The following PIAS1 variants were observed in gnomAD, a reference collection of about 807,000 sequenced individuals.
PIAS1 encodes protein inhibitor of activated STAT 1.
PIAS1 carries 6 observed loss-of-function variants against 71.3 expected under a neutral mutation model. The ratio of observed to expected loss-of-function variants is 0.08; its 90% CI spans 0.05 to 0.17. The LOEUF (loss-of-function observed/expected upper bound fraction) is 0.17, where lower values mean the gene tolerates loss of function less well. PIAS1 is among the 10% of genes least tolerant of loss of function. The probability of loss-of-function intolerance (pLI) is 1.00; values close to 1 mark genes in which losing one functional copy is unlikely to be tolerated. For synonymous variants in PIAS1, 303 were observed against 292.9 expected, an observed-to-expected ratio of 1.03 and a Z score of -0.35; for missense variants, 555 against 793.6, an observed-to-expected ratio of 0.70 and a Z score of 3.61.
At position 68,054,564 on chromosome 15, in the gene PIAS1, C is replaced by T; in HGVS notation, c.24+214C>T. The T allele has an allele frequency of 2.0e-6, 1 of 491,034 alleles. No homozygotes were observed. Among genetic ancestry groups the T allele is most frequent in the Non-Finnish European group, 3.6e-6 (1 of 278,012 alleles). 30.4% of individuals were successfully genotyped at this position (491,034 alleles called of 1,614,324 possible). A position where few individuals can be genotyped will look rare whatever the true frequency, so the allele number is the denominator to read the frequency against. On this transcript the variant is annotated intron_variant, in intron 1 of 13. Coordinates refer to ENST00000249636, the MANE Select transcript of PIAS1 (RefSeq NM_016166.3). This position sits in a 1 kb window ranked among gnomAD's most constrained non-coding sequence, Gnocchi z 4.6. ...GCCTCGGGGGCGCTGACGGGTCGTCCCCGGCGTGTTATTGTTGTGGGCGCC... is the reference window on the plus strand; with the variant it reads ...GCCTCGGGGGCGCTGACGGGTCGTCTCCGGCGTGTTATTGTTGTGGGCGCC...
chr15:68,143,641 A>G (rs2092787837), intron 4 of PIAS1, among the ~76,000 whole-genome samples: 1 of 152,130 alleles, frequency 6.6e-6, no homozygotes, highest in Non-Finnish European at 1.5e-5. Flanking sequence ...AGATGTCTCC[A>G]TAGTTAATTA....
intron 1 of PIAS1, among the ~76,000 whole-genome samples, chr15:68,073,703 A>G (rs1346476656): frequency 6.6e-6 from 1 of 152,134 alleles, no homozygotes; most frequent in Non-Finnish European, 1.5e-5. Flanking sequence ...GAAGATGGAG[A>G]GTTGGTTAAA....
chr15:68,111,748 AT>A, intron 2 of PIAS1, among the ~76,000 whole-genome samples: 1 of 152,118 alleles, frequency 6.6e-6, no homozygotes, highest in East Asian at 1.9e-4. Context: ...TATTGTGGAG[AT>A]TCAAAAAGAA....
At chr15:68,149,086 G>A (rs1394769074) in intron 6 of PIAS1, among the ~76,000 whole-genome samples, 1 of 152,078 alleles carries the variant, frequency 6.6e-6, no homozygotes, top group Non-Finnish European at 1.5e-5. Flanking sequence ...GTTTTGTTTT[G>A]TTTTTGTTTT....
intron 2 of PIAS1, among the ~76,000 whole-genome samples, chr15:68,130,185 T>TA (rs1467416524): frequency 6.6e-6 from 1 of 151,780 alleles, no homozygotes; most frequent in African/African-American, 2.4e-5. Flanking sequence ...AAAGATTTTT[T>TA]AAAAATAGGA....
chr15:68,160,365 C>T (rs1056394719), intron 7 of PIAS1, among the ~76,000 whole-genome samples: 7 of 152,120 alleles, frequency 4.6e-5, no homozygotes, highest in Non-Finnish European at 8.8e-5. Context: ...GTTGAAAAGA[C>T]TGTCTTTCCT....
intron 6 of PIAS1, among the ~76,000 whole-genome samples, chr15:68,151,701 C>CAT (rs1235446235): frequency 1.0e-5 from 1 of 98,434 alleles, no homozygotes; most frequent in Admixed American, 1.2e-4. Flanking sequence ...CACACACACA[C>CAT]ACACACAAAT....
At chr15:68,111,568 A>G (rs185653383) in intron 2 of PIAS1, among the ~76,000 whole-genome samples, 22 of 152,344 alleles carry the variant, frequency 1.4e-4, no homozygotes, top group Admixed American at 1.2e-3. Context: ...CTATCCTGCA[A>G]TTTAACACTA....
Position 68,187,664 on chromosome 15 carries a change from A to G in PIAS1, c.1785A>G (p.Ala595=). Residue 595 remains alanine (A), a synonymous_variant, in exon 14 of 14, where the codon GCA becomes GCG. Coordinates refer to ENST00000249636, the MANE Select transcript of PIAS1 (RefSeq NM_016166.3). The surrounding 1 kb of genome is among the most constrained non-coding windows in gnomAD (Gnocchi z 5.3). ...AGATGTTTCTTGATCAGTTAAGTGC[A>G]GGAGGCAGTACTTCTCTGCCAACCA... ...SSQMFLDQLS[A]GGSTSLPTTN... 1 of 1,614,020 alleles carries G rather than the reference A, an allele frequency of 6.2e-7. No individual in the cohort carries two copies. Among genetic ancestry groups the G allele is most frequent in the Non-Finnish European group, 8.5e-7 (1 of 1,179,888 alleles).
chr15:68,059,032 T>C (rs1407626066), intron 1 of PIAS1, among the ~76,000 whole-genome samples: 1 of 133,036 alleles, frequency 7.5e-6, no homozygotes, highest in Non-Finnish European at 1.6e-5. Flanking sequence ...TGAGACGGAG[T>C]CTTCCTCTGT....
At chr15:68,077,564 T>C (rs1002674329) in intron 1 of PIAS1, among the ~76,000 whole-genome samples, 1 of 152,218 alleles carries the variant, frequency 6.6e-6, no homozygotes, top group African/African-American at 2.4e-5. Flanking sequence ...TTGTGAACTC[T>C]TAGAAGTGTT....
intron 2 of PIAS1, among the ~76,000 whole-genome samples, chr15:68,108,069 T>G (rs2092487942): frequency 6.6e-6 from 1 of 152,220 alleles, no homozygotes; most frequent in South Asian, 2.1e-4. Context: ...AGGAGCTTGA[T>G]GCAGAGCTCA....
intron 2 of PIAS1, among the ~76,000 whole-genome samples, chr15:68,095,527 C>A (rs200854422): frequency 7.6e-6 from 1 of 131,976 alleles, no homozygotes; most frequent in South Asian, 2.4e-4. Flanking sequence ...TTAAGACATT[C>A]TTTTTTTTTT....
chr15:68,070,593 G>T lies in PIAS1; in HGVS notation c.25-15713G>T, dbSNP rs188663730. On this transcript the variant is annotated intron_variant, in intron 1 of 13. Coordinates refer to ENST00000249636, the MANE Select transcript of PIAS1 (RefSeq NM_016166.3). ...TACTATGGCCACTAGTTCTGTGTGG[G>T]TATTGAGAACTTGAAATATGGTTAG... is the stretch of plus-strand genomic sequence containing the variant. 1.6e-4 allele frequency among the ~76,000 whole-genome samples: 24 copies of T among 152,258 alleles called. No homozygotes were observed. In the East Asian group the frequency reaches 4.6e-3, roughly 29 times the overall value.
chr15:68,163,055 C>G (rs1299817617), intron 7 of PIAS1, among the ~76,000 whole-genome samples: 1 of 152,216 alleles, frequency 6.6e-6, no homozygotes, highest in African/African-American at 2.4e-5. Context: ...CAGACACTTT[C>G]AGAAATTATG....
At position 68,142,301 on chromosome 15, in the gene PIAS1, G is replaced by A; in HGVS notation, c.566G>A (p.Gly189Glu). 1 of 1,605,754 alleles carries A rather than the reference G, an allele frequency of 6.2e-7. No individual in the cohort carries two copies. Among genetic ancestry groups the A allele is most frequent in the Non-Finnish European group, 8.5e-7 (1 of 1,173,196 alleles). Residue 189 changes from glycine to glutamate, a missense_variant, in exon 4 of 14, where the codon GGG (glycine) becomes GAG (glutamate). Transcript: ENST00000249636. ...QQISSSMDIS[G>E]TKCDFTVQVQ... is the part of the protein sequence containing the mutation. ...TCTGTCTCTTCTAGGGATATTTCTGGGACCAAATGTGACTTCACAGTACAG... is the reference window on the plus strand; with the variant it reads ...TCTGTCTCTTCTAGGGATATTTCTGAGACCAAATGTGACTTCACAGTACAG...
At chr15:68,072,170 G>A (rs190258523) in intron 1 of PIAS1, among the ~76,000 whole-genome samples, 14 of 151,714 alleles carry the variant, frequency 9.2e-5, no homozygotes, top group Admixed American at 3.3e-4. Flanking sequence ...AGGCTGAGAT[G>A]GGCGGATCAT....
intron 2 of PIAS1, among the ~76,000 whole-genome samples, chr15:68,110,207 C>G (rs1017100902): frequency 6.6e-6 from 1 of 151,964 alleles, no homozygotes. Context: ...AAAAAGAAAA[C>G]AAAAGAATAC....
chr15:68,105,871 T>A (rs1176801656), intron 2 of PIAS1, among the ~76,000 whole-genome samples: 1 of 152,196 alleles, frequency 6.6e-6, no homozygotes, highest in Non-Finnish European at 1.5e-5. Flanking sequence ...TTCTTAATGA[T>A]AGTGGCTTGT....
Sources: gnomAD v4.1 joint callset for allele counts (sites outside exome capture counted in the v4.1 genomes callset) on GRCh38, gnomAD v4.1.1 for gene constraint, Gnocchi (gnomAD v3.1) non-coding constraint, MANE v1.5 for transcripts, NCBI Gene and HGNC (gene_info 2026-07-23, HGNC 2026-07-21) for gene names.